The following CTNND2 variants were observed in gnomAD, a reference collection of about 807,000 sequenced individuals.
The protein encoded by CTNND2 is catenin delta-2.
In CTNND2, 22 loss-of-function variants were observed where a neutral mutation model predicts 144.4. The ratio of observed to expected loss-of-function variants is 0.15; its 90% CI spans 0.11 to 0.22. The LOEUF (loss-of-function observed/expected upper bound fraction) is 0.22, where lower values mean the gene tolerates loss of function less well. CTNND2 is among the 10% of genes least tolerant of loss of function. The pLI is 1.00. For missense variants in CTNND2, 1,353 were observed against 1,618.8 expected (o/e 0.84, Z 2.82); for synonymous variants, 751 against 695.6 (o/e 1.08, Z -1.25).
In CTNND2 at chr5:10,973,436, C is replaced by G. The variant is rs1441582820; in HGVS notation, c.*17G>C. The G allele has an allele frequency of 6.4e-7, 1 of 1,550,438 alleles. No individual in the cohort carries two copies. Among genetic ancestry groups the G allele is most frequent in the East Asian group, 2.3e-5 (1 of 44,150 alleles). On this transcript the variant is annotated 3_prime_UTR_variant, in exon 22 of 22. Coordinates refer to ENST00000304623, the MANE Select transcript of CTNND2 (RefSeq NM_001332.4). The surrounding 1 kb of genome is among the most constrained non-coding windows in gnomAD (Gnocchi z 5.6). ...GCATGCACATGCACTGTTCCCGGAGCGCCTGTGCCCTGCTCCTCACACCCA... is the reference window on the plus strand; with the variant it reads ...GCATGCACATGCACTGTTCCCGGAGGGCCTGTGCCCTGCTCCTCACACCCA...
intron 2 of CTNND2, among the ~76,000 whole-genome samples, chr5:11,611,474 GCA>G (rs1780318674): frequency 6.6e-6 from 1 of 152,160 alleles, no homozygotes; most frequent in Non-Finnish European, 1.5e-5. Context: ...TTATCAGGAT[GCA>G]ATGACAAAGG....
chr5:11,851,958 T>C (rs1795036081), intron 1 of CTNND2, among the ~76,000 whole-genome samples: 1 of 152,220 alleles, frequency 6.6e-6, no homozygotes, highest in Non-Finnish European at 1.5e-5. Context: ...ATGGTATACA[T>C]TCTCCTCCTA....
chr5:11,382,937 C>T (rs2522038), intron 7 of CTNND2, among the ~76,000 whole-genome samples: 40,426 of 151,886 alleles, frequency 0.27, 6,594 homozygotes, highest in East Asian at 0.49. Flanking sequence ...GCAACCTAAG[C>T]GCAATACAAT....
chr5:11,637,217 C>T (rs1363700058), intron 2 of CTNND2, among the ~76,000 whole-genome samples: 1 of 152,114 alleles, frequency 6.6e-6, no homozygotes, highest in South Asian at 2.1e-4. Context: ...CACTTAAATA[C>T]TAATAGAGGG....
intron 16 of CTNND2, among the ~76,000 whole-genome samples, chr5:11,049,598 A>G (rs1745625032): frequency 6.6e-6 from 1 of 152,036 alleles, no homozygotes; most frequent in South Asian, 2.1e-4. Flanking sequence ...TGCACCAACC[A>G]TCTCCCCTGC....
Position 11,397,169 on chromosome 5 carries a change from G to C in CTNND2, c.474C>G (p.Leu158=). ...GGAAAGACCCTTCAGGTTTGGAATT[G>C]AGCTGAAGTGCACTCTGGGAGAGCA... ...PSLLSQSALQ[L]NSKPEGSFQY... Residue 158 remains leucine (L), a synonymous_variant, in exon 6 of 22, where the codon CTC becomes CTG. Coordinates refer to ENST00000304623, the MANE Select transcript of CTNND2 (RefSeq NM_001332.4). The C allele has an allele frequency of 6.2e-7, 1 of 1,614,220 alleles. No individual in the cohort carries two copies. The highest frequency in any genetic ancestry group is 8.5e-7 in the Non-Finnish European group (1 of 1,180,034).
chr5:11,737,182 T>C (rs1787733517), intron 1 of CTNND2, among the ~76,000 whole-genome samples: 1 of 152,218 alleles, frequency 6.6e-6, no homozygotes, highest in Non-Finnish European at 1.5e-5. Context: ...ACTCGCCCAC[T>C]GGAAAGGTCA....
At chr5:11,367,233 G>A (rs961049363) in intron 7 of CTNND2, among the ~76,000 whole-genome samples, 1 of 152,158 alleles carries the variant, frequency 6.6e-6, no homozygotes, top group Non-Finnish European at 1.5e-5. Flanking sequence ...CTGTGATCAA[G>A]TTTTGATTGC....
intron 11 of CTNND2, among the ~76,000 whole-genome samples, chr5:11,168,501 G>C (rs6879413): frequency 0.22 from 33,988 of 152,046 alleles, 4,757 homozygotes; most frequent in African/African-American, 0.39. Context: ...CAACAGTTAG[G>C]AATACAAAAT....
At chr5:11,548,747 G>C (rs1367348077) in intron 3 of CTNND2, among the ~76,000 whole-genome samples, 1 of 151,964 alleles carries the variant, frequency 6.6e-6, no homozygotes. Context: ...AAAACCACTC[G>C]TTTCTTTACA....
At chr5:11,833,943 C>A (rs1383770912) in intron 1 of CTNND2, among the ~76,000 whole-genome samples, 2 of 152,250 alleles carry the variant, frequency 1.3e-5, no homozygotes, top group South Asian at 2.1e-4. Context: ...TACATCAAAT[C>A]CTGAATATAT....
chr5:11,292,933 C>A (rs543838509), intron 9 of CTNND2, among the ~76,000 whole-genome samples: 71 of 152,284 alleles, frequency 4.7e-4, no homozygotes, highest in African/African-American at 1.5e-3. Flanking sequence ...AGCTGTGAGA[C>A]AATCAATTTC....
rs762392790 is a variant in CTNND2, at chr5:11,167,868, CTTT to C, written c.1976-8112_1976-8110del. On this transcript the variant is annotated intron_variant, in intron 11 of 21. Transcript: ENST00000304623. ...TTCATGCACGTGCTACCATACCTGA[CTTT>C]TTTTTTTTTTTTTTGGTAGAGACAA... 5.4e-5 allele frequency among the ~76,000 whole-genome samples: 7 copies of C among 128,998 alleles called. No individual in the cohort carries two copies. The East Asian group carries it at 6.7e-4, about 12-fold the overall frequency. 84.6% of individuals were successfully genotyped at this position (128,998 alleles called of 152,430 possible).
At chr5:10,986,336 G>C (rs547347639) in intron 20 of CTNND2, among the ~76,000 whole-genome samples, 3 of 152,250 alleles carry the variant, frequency 2.0e-5, no homozygotes, top group African/African-American at 7.2e-5. Context: ...GATTCTCTTG[G>C]GCAAGAGAGT....
chr5:11,706,643 T>A (rs930275478), intron 2 of CTNND2, among the ~76,000 whole-genome samples: 1 of 152,250 alleles, frequency 6.6e-6, no homozygotes, highest in Non-Finnish European at 1.5e-5. Context: ...TATGTCTTTT[T>A]GTGAATATCA....
At chr5:11,805,850 A>G (rs1791964534) in intron 1 of CTNND2, among the ~76,000 whole-genome samples, 1 of 152,110 alleles carries the variant, frequency 6.6e-6, no homozygotes, top group Non-Finnish European at 1.5e-5. Context: ...CAATTAGTAG[A>G]GTATAGAAAG....
Position 11,253,300 on chromosome 5 carries a change from A to G in CTNND2, c.1629-16477T>C, listed in dbSNP as rs577140957. Reference sequence around the variant, plus strand: ...TTGTGAGTTACCTGTGATTTATTCAATTAAGGACTATTGATATGGTTTGGC... The same window carrying G: ...TTGTGAGTTACCTGTGATTTATTCAGTTAAGGACTATTGATATGGTTTGGC... On this transcript the variant is annotated intron_variant, in intron 9 of 21. Transcript: ENST00000304623. Among the ~76,000 whole-genome samples the G allele has an allele frequency of 2.0e-3, 312 of 152,242 alleles. 1 individual carries two copies. Among genetic ancestry groups the G allele is most frequent in the African/African-American group, 7.1e-3 (296 of 41,560 alleles).
In CTNND2 at chr5:11,346,555, G is replaced by A. The variant is rs1754807235; in HGVS notation, c.1445C>T (p.Ala482Val). 6.2e-7 allele frequency: 1 copy of A among 1,604,082 alleles called. No homozygotes were observed. The highest frequency in any genetic ancestry group is 8.5e-7 in the Non-Finnish European group (1 of 1,175,494). The change falls in exon 9 of 22, where the codon GCC becomes GTC. Residue 482 changes from alanine to valine, a missense_variant. Ala to Val is a moderately conservative substitution (Grantham distance 64). Around this residue, in one of 4 missense-constraint regions of CTNND2, gnomAD observed 708 missense variants for 706.4 expected, o/e 1.00. Transcript: ENST00000304623. The stretch of plus-strand genomic sequence containing the variant: ...GCTGGCCCTCTGGAAGGTGGCCGCG[G>A]CGGCATTCTGTGGGCCGTGCTGGCT... ...TGSQHGPQNAAAATFQRASYA... is the reference protein window; with the variant it reads ...TGSQHGPQNAVAATFQRASYA...
intron 3 of CTNND2, among the ~76,000 whole-genome samples, chr5:11,464,657 C>A (rs778146433): frequency 6.6e-6 from 1 of 152,080 alleles, no homozygotes; most frequent in African/African-American, 2.4e-5. Context: ...CTGAAGCCAG[C>A]AGGCTAGCCA....
Sources: gnomAD v4.1 joint callset for allele counts (sites outside exome capture counted in the v4.1 genomes callset) on GRCh38, gnomAD v4.1.1 for gene constraint, gnomAD v4.1.1 regional missense constraint, Gnocchi (gnomAD v3.1) non-coding constraint, MANE v1.5 for transcripts, NCBI Gene and HGNC (gene_info 2026-07-23, HGNC 2026-07-21) for gene names.